NTRK3: variants seen among roughly 807,000 people sequenced by gnomAD.
The protein encoded by NTRK3 is NT-3 growth factor receptor.
In NTRK3, 24 loss-of-function variants were observed where a neutral mutation model predicts 91.7. The ratio of observed to expected loss-of-function variants is 0.26; its 90% CI spans 0.19 to 0.37. The LOEUF is 0.37. Among genes scored for constraint, NTRK3 ranks in the 10% least tolerant of loss-of-function variants. The probability of loss-of-function intolerance (pLI) is 1.00; values close to 1 mark genes in which losing one functional copy is unlikely to be tolerated. For missense variants in NTRK3, 880 were observed against 1,068.9 expected, an observed-to-expected ratio of 0.82 and a Z score of 2.46; for synonymous variants, 483 against 404.0, an observed-to-expected ratio of 1.20 and a Z score of -2.34.
At chr15:87,871,138 C>A (rs759365744) in exon 19 of NTRK3, 43 of 231,168 alleles carry the variant, frequency 1.9e-4, no homozygotes, top group Admixed American at 1.1e-3. Flanking sequence ...AGGAACACCC[C>A]CCACCCCAAT....
intron 17 of NTRK3, chr15:87,927,178 G>C (rs1298441525): frequency 6.6e-6 from 1 of 152,188 alleles, no homozygotes; most frequent in African/African-American, 2.4e-5. Flanking sequence ...GGCTAGTGAG[G>C]CTACCCAGCT....
exon 19 of NTRK3, chr15:87,871,276 A>T (rs1435393): frequency 0.67 from 154,595 of 230,360 alleles, 52,114 homozygotes; most frequent in East Asian, 0.72. Context: ...GAGGAGAATG[A>T]GTCATGCAGA....
intron 13 of NTRK3, among the ~76,000 whole-genome samples, chr15:88,111,291 G>T (rs932064895): frequency 6.6e-6 from 1 of 152,166 alleles, no homozygotes; most frequent in Admixed American, 6.5e-5. Flanking sequence ...CTACCAGGAG[G>T]TGTTATGTTG....
intron 14 of NTRK3, among the ~76,000 whole-genome samples, chr15:87,973,200 G>A (rs893658987): frequency 1.8e-4 from 27 of 152,224 alleles, no homozygotes; most frequent in African/African-American, 5.5e-4. Flanking sequence ...AAAATGAAAA[G>A]GGGCAAAAAC....
At chr15:87,924,959 T>C (rs1432314869) in intron 17 of NTRK3, among the ~76,000 whole-genome samples, 2 of 152,150 alleles carry the variant, frequency 1.3e-5, no homozygotes, top group African/African-American at 4.8e-5. Flanking sequence ...AATCAAAACA[T>C]CTGAAAACAT....
chr15:88,247,224 T>C (rs776036622), intron 3 of NTRK3, among the ~76,000 whole-genome samples: 5 of 152,128 alleles, frequency 3.3e-5, no homozygotes, highest in Non-Finnish European at 7.4e-5. Flanking sequence ...TGCAGCACTC[T>C]AAGAGCTCCT....
chr15:88,222,915 G>A (rs2050353956), intron 3 of NTRK3, among the ~76,000 whole-genome samples: 2 of 152,182 alleles, frequency 1.3e-5, no homozygotes, highest in South Asian at 4.1e-4. Flanking sequence ...AGACCAAGGG[G>A]TCCCTGAGGA....
At chr15:88,158,483 A>C (rs570644668) in intron 5 of NTRK3, among the ~76,000 whole-genome samples, 1 of 152,290 alleles carries the variant, frequency 6.6e-6, no homozygotes, top group South Asian at 2.1e-4. Context: ...GGTCCAGGGA[A>C]AATGCGGTCC....
exon 19 of NTRK3, chr15:87,859,985 T>C (rs766305804): frequency 6.1e-4 from 119 of 195,472 alleles, no homozygotes; most frequent in Non-Finnish European, 1.0e-3. Context: ...TATACATACC[T>C]ATGTCCATAC....
rs115462283 is a variant in NTRK3, at chr15:88,064,997, A to G, written c.1397-31952T>C. On this transcript the variant is annotated intron_variant, in intron 13 of 18. Transcript: ENST00000394480. ...CAAAGCCTGGCTCATTTGCAGGTAC[A>G]TAACATATGCTTGATAACAAGTTTT... 6.5e-3 allele frequency among the ~76,000 whole-genome samples: 983 copies of G among 152,326 alleles called. 13 individuals carry two copies. The highest frequency in any genetic ancestry group is 0.022 in the African/African-American group (933 of 41,572).
At chr15:88,016,128 G>A (rs1422730488) in intron 14 of NTRK3, among the ~76,000 whole-genome samples, 1 of 152,150 alleles carries the variant, frequency 6.6e-6, no homozygotes, top group Non-Finnish European at 1.5e-5. Context: ...CATTAGGGAT[G>A]ATTCTTATTT....
In NTRK3 at chr15:88,174,796, G is replaced by C. The variant is rs904380514; in HGVS notation, c.395+8622C>G. On this transcript the variant is annotated intron_variant, in intron 5 of 18. Transcript: ENST00000394480. Reference sequence around the variant, plus strand: ...GCCCAGCCATTCCCGCCCATCTCGGGTCAGCAGCCCTGCTCAGAGCCCTCC... The same window carrying C: ...GCCCAGCCATTCCCGCCCATCTCGGCTCAGCAGCCCTGCTCAGAGCCCTCC... 7.2e-5 allele frequency among the ~76,000 whole-genome samples: 11 copies of C among 152,190 alleles called. No individual in the cohort carries two copies. The South Asian group carries it at 1.5e-3, about 20-fold the overall frequency.
rs868600880 is a variant in NTRK3 at position 88,241,884 on chromosome 15, G to T, written c.248+14022C>A. Among the ~76,000 whole-genome samples the T allele has an allele frequency of 6.6e-6, 1 of 152,144 alleles. No individual in the cohort carries two copies. Among genetic ancestry groups the T allele is most frequent in the Non-Finnish European group, 1.5e-5 (1 of 68,026 alleles). On this transcript the variant is annotated intron_variant, in intron 3 of 18. Transcript: ENST00000394480. This position sits in a 1 kb window ranked among gnomAD's most constrained non-coding sequence, Gnocchi z 4.3. ...GGTCGATTTCCAGGTGCAGGGAGAG[G>T]CCAGGAGAGTTGCTGCTCGGCTGCA...
At chr15:88,088,390 C>T (rs566828421) in intron 13 of NTRK3, among the ~76,000 whole-genome samples, 60 of 152,300 alleles carry the variant, frequency 3.9e-4, no homozygotes, top group African/African-American at 1.4e-3. Context: ...CCTTTTGCCC[C>T]TGCACTCTGC....
intron 13 of NTRK3, chr15:88,072,498 C>T (rs1009178216): frequency 1.3e-5 from 3 of 231,870 alleles, no homozygotes; most frequent in African/African-American, 6.6e-5. Context: ...GCTGAGGTTG[C>T]CCTTTTCTTC....
At chr15:88,077,777 G>A (rs537647615) in intron 13 of NTRK3, among the ~76,000 whole-genome samples, 78 of 152,260 alleles carry the variant, frequency 5.1e-4, no homozygotes, top group African/African-American at 1.6e-3. Flanking sequence ...ATGTGGCCCC[G>A]TTTCCTGCCT....
At chr15:88,145,079 C>T (rs540311047) in intron 6 of NTRK3, among the ~76,000 whole-genome samples, 46 of 152,306 alleles carry the variant, frequency 3.0e-4, no homozygotes, top group African/African-American at 1.1e-3. Context: ...CATCCCCACG[C>T]CCCAGCCCAC....
intron 3 of NTRK3, among the ~76,000 whole-genome samples, chr15:88,196,449 G>T (rs990755648): frequency 2.6e-5 from 4 of 152,232 alleles, no homozygotes; most frequent in African/African-American, 9.6e-5. Flanking sequence ...AGCAGGGGCT[G>T]CAGGAGGGAG....
chr15:87,868,890 A>C (rs2064755232), exon 19 of NTRK3: 3 of 224,718 alleles, frequency 1.3e-5, no homozygotes, highest in Non-Finnish European at 2.7e-5. Flanking sequence ...ACAAAAGACA[A>C]ACACCTTGTC....
Sources: allele counts gnomAD v4.1 joint callset (sites outside exome capture counted in the v4.1 genomes callset), GRCh38; gene constraint gnomAD v4.1.1; non-coding constraint Gnocchi (gnomAD v3.1); transcripts MANE v1.5; gene names NCBI Gene and HGNC (gene_info 2026-07-23, HGNC 2026-07-21).